MAD1L1: variants seen among roughly 807,000 people sequenced by gnomAD.
The protein encoded by MAD1L1 is mitotic spindle assembly checkpoint protein MAD1.
A neutral mutation model predicts 96.9 loss-of-function variants in MAD1L1; 95 were observed. The ratio of observed to expected loss-of-function variants is 0.98; its 90% confidence interval spans 0.83 to 1.16. MAD1L1 has a LOEUF of 1.16. MAD1L1 is among the 50% of genes most tolerant of loss of function. The pLI is 0.00. For synonymous variants in MAD1L1, 473 were observed against 396.6 expected (o/e 1.19, Z -2.29); for missense variants, 1,007 against 954.4 (o/e 1.06, Z -0.73).
Position 2,088,502 on chromosome 7 carries a change from C to T in MAD1L1, c.1074-19164G>A, listed in dbSNP as rs967536088. 3.9e-5 allele frequency among the ~76,000 whole-genome samples: 6 copies of T among 152,320 alleles called. No individual in the cohort carries two copies. The highest frequency in any genetic ancestry group is 6.8e-3 in the Middle Eastern group (2 of 294). On this transcript the variant is annotated intron_variant, in intron 11 of 18. Coordinates refer to ENST00000265854, the MANE Select transcript of MAD1L1 (RefSeq NM_001013836.2). The surrounding 1 kb of genome is among the most constrained non-coding windows in gnomAD (Gnocchi z 4.4). ...CCTCCAGGGAACACCGCCCCAGCCT[C>T]GAGTGCCACCATGACAGCTCTGGAG...
chr7:2,212,175 G>A (rs1554253646), intron 10 of MAD1L1, among the ~76,000 whole-genome samples: 2 of 152,210 alleles, frequency 1.3e-5, no homozygotes, highest in Admixed American at 1.3e-4. Context: ...GTCCTGGGAA[G>A]GATGGGGCAG....
rs1287578542 is a variant in MAD1L1 at position 1,968,245 on chromosome 7, G to A, written c.1506-10526C>T. Reference sequence around the variant, plus strand: ...GTCGACGCCTCAGTCCGGCGGTCAGGTCCACCGTCAACACCAGCGGTCTTG... The same window carrying A: ...GTCGACGCCTCAGTCCGGCGGTCAGATCCACCGTCAACACCAGCGGTCTTG... On this transcript the variant is annotated intron_variant, in intron 15 of 18. Transcript: ENST00000265854. This position sits in a 1 kb window ranked among gnomAD's most constrained non-coding sequence, Gnocchi z 5.6. Among the ~76,000 whole-genome samples the A allele has an allele frequency of 6.6e-6, 1 of 151,806 alleles. No individual in the cohort carries two copies. Among genetic ancestry groups the A allele is most frequent in the Non-Finnish European group, 1.5e-5 (1 of 67,954 alleles).
chr7:2,104,390 A>G lies in MAD1L1; in HGVS notation c.1074-35052T>C, dbSNP rs372181136. Among the ~76,000 whole-genome samples, 15 of 152,366 alleles carry G rather than the reference A, an allele frequency of 9.8e-5. 1 individual carries two copies. In the East Asian group the frequency reaches 2.3e-3, roughly 24 times the overall value. ...GTCACGGCGGCGCAATAGCAGGCCA[A>G]GGGGGACGCAGTCTGGCATGTGGAG... On this transcript the variant is annotated intron_variant, in intron 11 of 18. Transcript: ENST00000265854.
chr7:2,118,611 C>T (rs745562120), intron 11 of MAD1L1, among the ~76,000 whole-genome samples: 4 of 152,226 alleles, frequency 2.6e-5, no homozygotes, highest in African/African-American at 7.2e-5. Context: ...CCTCGATGTC[C>T]AAGTTCCCTG....
At chr7:2,071,975 C>T (rs527937664) in intron 11 of MAD1L1, among the ~76,000 whole-genome samples, 2 of 152,350 alleles carry the variant, frequency 1.3e-5, no homozygotes, top group South Asian at 4.1e-4. Flanking sequence ...CTGCATCCTT[C>T]GCAGTAAGCT....
chr7:2,194,636 C>A (rs912274867), intron 10 of MAD1L1, among the ~76,000 whole-genome samples: 23 of 152,274 alleles, frequency 1.5e-4, no homozygotes, highest in Middle Eastern at 3.4e-3. Context: ...ACTATTAATA[C>A]CCAGCCCTTT....
intron 17 of MAD1L1, among the ~76,000 whole-genome samples, chr7:1,910,245 C>T (rs1454161731): frequency 1.3e-5 from 2 of 152,154 alleles, no homozygotes; most frequent in African/African-American, 4.8e-5. Flanking sequence ...CCAGCGGAAC[C>T]TTGGCGGAAG....
chr7:1,855,576 C>T (rs1254775361), intron 18 of MAD1L1, among the ~76,000 whole-genome samples: 3 of 152,066 alleles, frequency 2.0e-5, no homozygotes, highest in African/African-American at 7.2e-5. Context: ...CCACCCGAGG[C>T]GGGTCTCCCC....
chr7:2,216,384 G>T, intron 7 of MAD1L1, 97 bp from the exon 8 acceptor site: 2 of 1,268,722 alleles, frequency 1.6e-6, no homozygotes, highest in Non-Finnish European at 2.2e-6. Flanking sequence ...AAGCCGGTCT[G>T]CAACGGCTAT....
At chr7:2,157,472 C>A (rs572770771) in intron 10 of MAD1L1, among the ~76,000 whole-genome samples, 3 of 152,238 alleles carry the variant, frequency 2.0e-5, no homozygotes, top group Non-Finnish European at 2.9e-5. Context: ...ACGGAAGACG[C>A]TGCCCATCTG....
intron 18 of MAD1L1, among the ~76,000 whole-genome samples, chr7:1,889,035 GCAGGCATACGGGGTCCC>G: frequency 6.6e-6 from 1 of 152,224 alleles, no homozygotes; most frequent in Non-Finnish European, 1.5e-5. Flanking sequence ...GCGCAATGTG[GCAGGCATACGGGGTCCC>G]CAACGTGCCT....
chr7:1,942,607 C>T (rs536679474), intron 16 of MAD1L1, among the ~76,000 whole-genome samples: 2 of 152,290 alleles, frequency 1.3e-5, no homozygotes, highest in Admixed American at 1.3e-4. Context: ...ATTTCAAACA[C>T]ACAGGCAGCA....
chr7:2,087,280 C>T (rs1181499865), intron 11 of MAD1L1, among the ~76,000 whole-genome samples: 1 of 152,184 alleles, frequency 6.6e-6, no homozygotes, highest in African/African-American at 2.4e-5. Context: ...TGGTTCATGC[C>T]TGTAACTCCA....
In MAD1L1 at chr7:2,101,534, G is replaced by A. The variant is rs1786780450; in HGVS notation, c.1074-32196C>T. Among the ~76,000 whole-genome samples the A allele has an allele frequency of 2.0e-5, 3 of 149,364 alleles. No homozygotes were observed. The South Asian group carries it at 6.6e-4, about 33-fold the overall frequency. ...TGAGACTGGGGCTCCACTCCTAAAG[G>A]GTCTCCATCCAGGTGGGTGGCAGGA... On this transcript the variant is annotated intron_variant, in intron 11 of 18. Transcript: ENST00000265854.
chr7:2,024,636 T>G (rs1303868553), intron 12 of MAD1L1, among the ~76,000 whole-genome samples: 1 of 152,196 alleles, frequency 6.6e-6, no homozygotes. Flanking sequence ...ACGCTTCAAA[T>G]GATCACTCAG....
chr7:1,937,415 G>A (rs1478013699), intron 16 of MAD1L1, among the ~76,000 whole-genome samples: 2 of 152,292 alleles, frequency 1.3e-5, no homozygotes, highest in Middle Eastern at 3.4e-3. Context: ...AATGCGCCTC[G>A]CAACCTGATG....
intron 12 of MAD1L1, among the ~76,000 whole-genome samples, chr7:2,020,708 C>T (rs191401251): frequency 6.6e-6 from 1 of 152,084 alleles, no homozygotes; most frequent in Admixed American, 6.5e-5. Context: ...TAAAAACACA[C>T]ACAAGACAGG....
At chr7:2,007,647 C>A (rs577062495) in intron 13 of MAD1L1, among the ~76,000 whole-genome samples, 2 of 152,212 alleles carry the variant, frequency 1.3e-5, no homozygotes, top group African/African-American at 4.8e-5. Context: ...ACATTCCAGC[C>A]CGGGCGACTG....
chr7:1,974,862 G>T (rs1035446684), intron 15 of MAD1L1, among the ~76,000 whole-genome samples: 1 of 152,262 alleles, frequency 6.6e-6, no homozygotes, highest in African/African-American at 2.4e-5. Flanking sequence ...GGGACCAGGG[G>T]ACCAGGGGAG....
Sources: gnomAD v4.1 joint callset for allele counts (sites outside exome capture counted in the v4.1 genomes callset) on GRCh38, gnomAD v4.1.1 for gene constraint, Gnocchi (gnomAD v3.1) non-coding constraint, MANE v1.5 for transcripts, NCBI Gene and HGNC (gene_info 2026-07-23, HGNC 2026-07-21) for gene names.